The following ANOS1 variants were observed in gnomAD, a reference collection of about 807,000 sequenced individuals.
The protein encoded by ANOS1 is anosmin-1.
Under a neutral mutation model 59.0 loss-of-function variants are expected in ANOS1, and 6 were observed. The observed-to-expected ratio is 0.10, with a 90% CI of 0.06 to 0.20. The LOEUF (loss-of-function observed/expected upper bound fraction) is 0.20, where lower values mean the gene tolerates loss of function less well. ANOS1 is among the 10% of genes least tolerant of loss of function. The probability of loss-of-function intolerance (pLI) is 1.00; values close to 1 mark genes in which losing one functional copy is unlikely to be tolerated. For missense variants in ANOS1, 433 were observed against 542.3 expected, an observed-to-expected ratio of 0.80 and a Z score of 2.00; for synonymous variants, 217 against 223.4, an observed-to-expected ratio of 0.97 and a Z score of 0.25.
chrX:8,627,084 C>T (rs984854893), intron 2 of ANOS1, among the ~76,000 whole-genome samples: 42 of 112,083 alleles, frequency 3.7e-4, no homozygotes, highest in Admixed American at 1.9e-4. Flanking sequence ...ATACATGACA[C>T]TCTTGCCACT....
At chrX:8,666,975 A>C (rs1202824677) in intron 2 of ANOS1, among the ~76,000 whole-genome samples, 1 of 111,900 alleles carries the variant, frequency 8.9e-6, no homozygotes, top group Non-Finnish European at 1.9e-5. Context: ...GCCAGGGAGA[A>C]AATATACCCT....
At chrX:8,713,608 TTTTC>T (rs1399765363) in intron 1 of ANOS1, among the ~76,000 whole-genome samples, 17 of 110,548 alleles carry the variant, frequency 1.5e-4, no homozygotes, top group East Asian at 5.6e-4. Context: ...TTTCTTTTTT[TTTTC>T]TTTCTTTCTT....
At chrX:8,685,616 G>GA (rs1216856670) in intron 2 of ANOS1, among the ~76,000 whole-genome samples, 2 of 84,888 alleles carry the variant, frequency 2.4e-5, no homozygotes, top group African/African-American at 1.0e-4. Flanking sequence ...AAGAAAGAAA[G>GA]AAAGAAAGAA....
At chrX:8,649,997 T>A (rs1467906027) in intron 2 of ANOS1, among the ~76,000 whole-genome samples, 1 of 113,165 alleles carries the variant, frequency 8.8e-6, no homozygotes, top group Non-Finnish European at 1.9e-5. Context: ...CTCACATGCC[T>A]AAATCCTGTA....
intron 6 of ANOS1, among the ~76,000 whole-genome samples, chrX:8,579,863 C>T (rs890117887): frequency 3.6e-5 from 4 of 111,835 alleles, no homozygotes; most frequent in Non-Finnish European, 7.5e-5. Context: ...GCTTAGGTTG[C>T]CTATGGTAAA....
At chrX:8,629,128 A>T (rs1453367377) in intron 2 of ANOS1, among the ~76,000 whole-genome samples, 1 of 111,462 alleles carries the variant, frequency 9.0e-6, no homozygotes, top group Non-Finnish European at 1.9e-5. Context: ...GTGCACCTGT[A>T]GTCCCAGCTA....
intron 6 of ANOS1, among the ~76,000 whole-genome samples, chrX:8,578,425 AAAT>A (rs1026051836): frequency 6.3e-5 from 7 of 111,254 alleles, no homozygotes; most frequent in African/African-American, 2.3e-4. Context: ...TGCCCATTGG[AAAT>A]GGCACATCCC....
At chrX:8,555,832 T>C (rs776247850) in intron 8 of ANOS1, among the ~76,000 whole-genome samples, 1 of 112,735 alleles carries the variant, frequency 8.9e-6, no homozygotes, top group East Asian at 2.8e-4. Flanking sequence ...GACTCCTCCC[T>C]AACTCATTTT....
intron 2 of ANOS1, among the ~76,000 whole-genome samples, chrX:8,625,990 T>G (rs1180147914): frequency 9.4e-6 from 1 of 106,802 alleles, no homozygotes; most frequent in Non-Finnish European, 1.9e-5. Flanking sequence ...TGGGCGCCTG[T>G]AGTCCCAGCT....
chrX:8,613,415 G>T (rs1601979286), intron 3 of ANOS1, among the ~76,000 whole-genome samples: 1 of 109,750 alleles, frequency 9.1e-6, no homozygotes, highest in South Asian at 4.0e-4. Flanking sequence ...TCGAGGAGAT[G>T]GGGTCTGACT....
At chrX:8,663,705 A>G (rs1396767417) in intron 2 of ANOS1, among the ~76,000 whole-genome samples, 1 of 111,581 alleles carries the variant, frequency 9.0e-6, no homozygotes. Flanking sequence ...AGAGGTAACT[A>G]TGCCTGCCCA....
chrX:8,610,785 C>T (rs1931041664), intron 3 of ANOS1, among the ~76,000 whole-genome samples: 1 of 110,556 alleles, frequency 9.0e-6, no homozygotes, highest in Non-Finnish European at 1.9e-5. Flanking sequence ...ACTCTGAACC[C>T]GCCCCCAAGA....
chrX:8,681,183 TTTC>T (rs1932419865), intron 2 of ANOS1, among the ~76,000 whole-genome samples: 2 of 111,930 alleles, frequency 1.8e-5, no homozygotes, highest in South Asian at 7.4e-4. Context: ...TGAGTTTTTA[TTTC>T]TTTTCTGTGA....
chrX:8,611,944 A>G (rs371096125), intron 3 of ANOS1, among the ~76,000 whole-genome samples: 7 of 111,998 alleles, frequency 6.3e-5, no homozygotes, highest in Admixed American at 2.9e-4. Flanking sequence ...TCTTATTTTT[A>G]TATCTCTGGA....
intron 2 of ANOS1, among the ~76,000 whole-genome samples, chrX:8,645,811 G>A (rs919397318): frequency 1.7e-4 from 19 of 111,805 alleles, no homozygotes; most frequent in Middle Eastern, 4.6e-3. Flanking sequence ...GCCTGCCACC[G>A]CGCCCAGCTA....
chrX:8,534,564 T>C, intron 12 of ANOS1, 104 bp from the exon 13 acceptor site: 1 of 838,111 alleles, frequency 1.2e-6, no homozygotes, highest in East Asian at 3.4e-5. Flanking sequence ...GAGAATATCA[T>C]ACACAGGCAA....
chrX:8,622,785 T>C (rs1182853359), intron 3 of ANOS1, among the ~76,000 whole-genome samples: 1 of 112,433 alleles, frequency 8.9e-6, no homozygotes, highest in Non-Finnish European at 1.9e-5. Flanking sequence ...CTGTGCCCCC[T>C]GTATTCCATA....
intron 3 of ANOS1, among the ~76,000 whole-genome samples, chrX:8,617,013 A>T (rs1164935789): frequency 1.8e-5 from 2 of 112,708 alleles, no homozygotes; most frequent in Admixed American, 1.9e-4. Flanking sequence ...ATATCTGTTT[A>T]AAAAGAATAG....
chrX:8,704,131 G>C (rs73475401), intron 1 of ANOS1, among the ~76,000 whole-genome samples: 4 of 111,510 alleles, frequency 3.6e-5, no homozygotes, highest in Admixed American at 1.9e-4. Context: ...TTAAGACATG[G>C]CTTTGCTCCT....
Sources: allele counts gnomAD v4.1 joint callset (sites outside exome capture counted in the v4.1 genomes callset), GRCh38; gene constraint gnomAD v4.1.1; transcripts MANE v1.5; gene names NCBI Gene and HGNC (gene_info 2026-07-23, HGNC 2026-07-21).